SULT2B1: variants seen among roughly 807,000 people sequenced by gnomAD.
SULT2B1 encodes sulfotransferase family 2B member 1.
A neutral mutation model predicts 33.2 loss-of-function variants in SULT2B1; 16 were observed. That is an observed-to-expected ratio of 0.48 (90% CI 0.33 to 0.73). The LOEUF is 0.73. Among genes scored for constraint, SULT2B1 ranks in the 30% least tolerant of loss-of-function variants. The probability of loss-of-function intolerance (pLI) is 0.02; values close to 1 mark genes in which losing one functional copy is unlikely to be tolerated. For synonymous variants in SULT2B1, 186 were observed against 200.5 expected (o/e 0.93, Z 0.61); for missense variants, 500 against 506.0 (o/e 0.99, Z 0.11).
chr19:48,556,205 G>A lies in SULT2B1; in HGVS notation c.71+3882G>A, dbSNP rs191083250. Among the ~76,000 whole-genome samples the A allele has an allele frequency of 1.2e-4, 19 of 152,298 alleles. No individual in the cohort carries two copies. In the East Asian group the frequency reaches 3.5e-3, roughly 28 times the overall value. The stretch of plus-strand genomic sequence containing the variant: ...GGCAATTTAGGATTTTTGGCCAGGG[G>A]AATGAGAGAATGCAGGCAGACACCC... On this transcript the variant is annotated intron_variant, in intron 1 of 6. Coordinates refer to ENST00000201586, the MANE Select transcript of SULT2B1 (RefSeq NM_177973.2).
chr19:48,595,887 G>C (rs1184381896), intron 5 of SULT2B1: 2 of 152,158 alleles, frequency 1.3e-5, no homozygotes, highest in Non-Finnish European at 2.9e-5. Context: ...GACTGGTCTC[G>C]AACTCCCGAC....
At chr19:48,578,824 C>T (rs1220435716) in intron 2 of SULT2B1, among the ~76,000 whole-genome samples, 1 of 151,948 alleles carries the variant, frequency 6.6e-6, no homozygotes, top group East Asian at 1.9e-4. Flanking sequence ...TGCAGTGAGC[C>T]AAGAGTGCAC....
Position 48,587,382 on chromosome 19 carries a change from G to C in SULT2B1, c.368G>C (p.Ser123Thr). The C allele has an allele frequency of 6.2e-7, 1 of 1,614,046 alleles. No individual in the cohort carries two copies. Among genetic ancestry groups the C allele is most frequent in the South Asian group, 1.1e-5 (1 of 91,076 alleles). Residue 123 changes from serine (S) to threonine (T), a missense_variant, in exon 3 of 7, where the codon AGC (serine) becomes ACC (threonine). By Grantham distance (58) the Ser-to-Thr change is moderately conservative. Coordinates refer to ENST00000201586, the MANE Select transcript of SULT2B1 (RefSeq NM_177973.2). ...LPDQYSPRLM[S>T]SHLPIQIFTK... ...GACCAGTACAGCCCCCGCCTCATGA[G>C]CTCCCATCTTCCCATCCAGATCTTC...
chr19:48,574,192 C>T (rs1204925466), intron 1 of SULT2B1, among the ~76,000 whole-genome samples: 1 of 152,110 alleles, frequency 6.6e-6, no homozygotes, highest in East Asian at 1.9e-4. Flanking sequence ...TCCACAGCAC[C>T]CAAGGCTGAG....
At position 48,552,522 on chromosome 19, in the gene SULT2B1, C is replaced by T. The variant is rs906704347; in HGVS notation, c.71+199C>T. 2.0e-5 allele frequency among the ~76,000 whole-genome samples: 3 copies of T among 152,156 alleles called. No homozygotes were observed. The highest frequency in any genetic ancestry group is 2.9e-5 in the Non-Finnish European group (2 of 68,018). Reference sequence around the variant, plus strand: ...TCCTGAGAAGGGAGTGAGGACCCGACCGTGTTGAGTCACCAGTGGGGATGC... The same window carrying T: ...TCCTGAGAAGGGAGTGAGGACCCGATCGTGTTGAGTCACCAGTGGGGATGC... On this transcript the variant is annotated intron_variant, in intron 1 of 6. Coordinates refer to ENST00000201586, the MANE Select transcript of SULT2B1 (RefSeq NM_177973.2). This position sits in a 1 kb window ranked among gnomAD's most constrained non-coding sequence, Gnocchi z 4.8.
intron 1 of SULT2B1, among the ~76,000 whole-genome samples, chr19:48,573,089 G>A (rs1159303383): frequency 2.6e-5 from 4 of 151,534 alleles, no homozygotes; most frequent in African/African-American, 4.9e-5. Flanking sequence ...CTTGGAAGGC[G>A]GAGGTTGCAG....
chr19:48,561,565 C>CCAGGCGA (rs1355737736), intron 1 of SULT2B1, among the ~76,000 whole-genome samples: 2 of 151,914 alleles, frequency 1.3e-5, no homozygotes, highest in Non-Finnish European at 2.9e-5. Flanking sequence ...GTGAAGAGCC[C>CCAGGCGA]CAGGCGACAG....
intron 3 of SULT2B1, among the ~76,000 whole-genome samples, chr19:48,588,995 G>T (rs1011884702): frequency 6.6e-6 from 1 of 152,206 alleles, no homozygotes; most frequent in Non-Finnish European, 1.5e-5. Context: ...AGCTCTGACC[G>T]AGTGACGAGG....
chr19:48,591,342 G>T (rs573577979), intron 3 of SULT2B1: 2 of 287,228 alleles, frequency 7.0e-6, no homozygotes, highest in African/African-American at 4.4e-5. Context: ...GTGGTGGCAC[G>T]CTCCTGTAGT....
In SULT2B1 at chr19:48,587,304, T is replaced by A; in HGVS notation, c.290T>A (p.Ile97Asn). 6.2e-7 allele frequency: 1 copy of A among 1,613,992 alleles called. No homozygotes were observed. The highest frequency in any genetic ancestry group is 1.1e-5 in the South Asian group (1 of 91,070). The change falls in exon 3 of 7, where the codon ATC becomes AAC. Residue 97 changes from isoleucine (I) to asparagine (N), a missense_variant. By Grantham distance (149) the Ile-to-Asn change is moderately radical. Transcript: ENST00000201586. ...GDPSWIRSVP[I>N]WERAPWCETI... ...CCATCCTGGATCCGCTCCGTGCCCA[T>A]CTGGGAGCGGGCACCCTGGTGTGAG...
At chr19:48,575,547 C>G (rs973855010) in intron 1 of SULT2B1, 10 of 154,976 alleles carry the variant, frequency 6.5e-5, no homozygotes, top group South Asian at 6.0e-4. Flanking sequence ...GTGCCGTGAT[C>G]TCGGCTCACT....
At chr19:48,588,191 C>T (rs1362156423) in intron 3 of SULT2B1, among the ~76,000 whole-genome samples, 1 of 133,020 alleles carries the variant, frequency 7.5e-6, no homozygotes, top group African/African-American at 3.0e-5. Context: ...GCCTGGGAGA[C>T]AGACCAAGAT....
intron 1 of SULT2B1, among the ~76,000 whole-genome samples, chr19:48,564,772 C>T (rs1973224680): frequency 6.6e-6 from 1 of 151,872 alleles, no homozygotes; most frequent in Non-Finnish European, 1.5e-5. Context: ...CTCTAGCCAT[C>T]TATCAATCCT....
chr19:48,579,913 G>A (rs1160364784), intron 2 of SULT2B1, among the ~76,000 whole-genome samples: 8 of 151,612 alleles, frequency 5.3e-5, no homozygotes, highest in African/African-American at 1.9e-4. Context: ...GGCCTTGCAT[G>A]CAAGTTCTTG....
At chr19:48,553,337 C>T (rs1434515262) in intron 1 of SULT2B1, among the ~76,000 whole-genome samples, 9 of 152,118 alleles carry the variant, frequency 5.9e-5, no homozygotes, top group Admixed American at 5.9e-4. Flanking sequence ...AATGGAGTTT[C>T]GCTCTTGTTG....
chr19:48,568,695 G>T (rs1017130791), intron 1 of SULT2B1, among the ~76,000 whole-genome samples: 8 of 152,174 alleles, frequency 5.3e-5, no homozygotes, highest in Non-Finnish European at 2.9e-5. Context: ...CAGGCTGGTG[G>T]TGGGGGAGTC....
chr19:48,579,409 A>G (rs968024445), intron 2 of SULT2B1, among the ~76,000 whole-genome samples: 5 of 150,834 alleles, frequency 3.3e-5, no homozygotes, highest in African/African-American at 9.8e-5. Flanking sequence ...CAGCCTCCCA[A>G]TTAGCTGGGA....
rs889729079 is a variant in SULT2B1, at chr19:48,594,057, C to T, written c.645+1241C>T. 2.0e-5 allele frequency among the ~76,000 whole-genome samples: 3 copies of T among 151,286 alleles called. No homozygotes were observed. In the South Asian group the frequency reaches 6.3e-4, roughly 32 times the overall value. ...GCAGATCACCTGAGCTCAGGAGTTC[C>T]AGACCAGCCTTGCCAACATGGTGAA... On this transcript the variant is annotated intron_variant, in intron 5 of 6. Transcript: ENST00000201586.
At chr19:48,594,651 G>A (rs1206602085) in intron 5 of SULT2B1, among the ~76,000 whole-genome samples, 1 of 152,216 alleles carries the variant, frequency 6.6e-6, no homozygotes, top group East Asian at 1.9e-4. Flanking sequence ...GAAACCAGGA[G>A]TGACCTGGAA....
Sources: allele counts gnomAD v4.1 joint callset (sites outside exome capture counted in the v4.1 genomes callset), GRCh38; gene constraint gnomAD v4.1.1; non-coding constraint Gnocchi (gnomAD v3.1); transcripts MANE v1.5; gene names NCBI Gene and HGNC (gene_info 2026-07-23, HGNC 2026-07-21).